The following ZNF423 variants were observed in gnomAD, a reference collection of about 807,000 sequenced individuals.
ZNF423 encodes zinc finger protein 423, also known as Ebf-associated zinc finger protein.
ZNF423 carries 12 observed loss-of-function variants against 95.8 expected under a neutral mutation model. The observed-to-expected ratio is 0.13, with a 90% confidence interval of 0.08 to 0.20. The LOEUF is 0.20. ZNF423 is among the 10% of genes least tolerant of loss of function. ZNF423 has a pLI of 1.00. For synonymous variants in ZNF423, 749 were observed against 711.9 expected, an observed-to-expected ratio of 1.05 and a Z score of -0.83; for missense variants, 1,316 against 1,737.1, an observed-to-expected ratio of 0.76 and a Z score of 4.31.
At chr16:49,523,584 G>A (rs773802970) in intron 7 of ZNF423, 40 bp downstream of exon 7, 1 of 1,555,048 alleles carries the variant, frequency 6.4e-7, no homozygotes, top group East Asian at 2.2e-5. Flanking sequence ...GGGAACCGAG[G>A]ACCATCAGGC....
intron 5 of ZNF423, among the ~76,000 whole-genome samples, chr16:49,619,365 C>T (rs1971982006): frequency 6.6e-6 from 1 of 152,100 alleles, no homozygotes; most frequent in Non-Finnish European, 1.5e-5. Flanking sequence ...CCAAAACAAA[C>T]AAACAAACAC....
chr16:49,762,970 C>G (rs1195779561), intron 2 of ZNF423, among the ~76,000 whole-genome samples: 2 of 151,754 alleles, frequency 1.3e-5, no homozygotes, highest in Admixed American at 6.6e-5. Context: ...TGGACTCAAG[C>G]AATCCTCTCA....
intron 3 of ZNF423, among the ~76,000 whole-genome samples, chr16:49,690,944 G>T (rs548019548): frequency 6.6e-6 from 1 of 152,172 alleles, no homozygotes; most frequent in Non-Finnish European, 1.5e-5. Flanking sequence ...TTCACCAGCC[G>T]CAGGCCTGGG....
chr16:49,765,744 A>C (rs1596985028), intron 2 of ZNF423, among the ~76,000 whole-genome samples: 2 of 152,176 alleles, frequency 1.3e-5, no homozygotes, highest in African/African-American at 4.8e-5. Flanking sequence ...TAAGTCAAAG[A>C]AAAGGGAGGA....
chr16:49,679,696 A>AT (rs2031270412), intron 3 of ZNF423, among the ~76,000 whole-genome samples: 1 of 152,154 alleles, frequency 6.6e-6, no homozygotes, highest in Admixed American at 6.5e-5. Context: ...GGATGATATG[A>AT]TTGATGGTGG....
intron 2 of ZNF423, among the ~76,000 whole-genome samples, chr16:49,775,038 G>T (rs758311982): frequency 2.0e-5 from 3 of 152,116 alleles, no homozygotes; most frequent in Non-Finnish European, 4.4e-5. Flanking sequence ...GCCCCCAGAC[G>T]CAGCCCAGCA....
At chr16:49,792,344 A>T (rs1009578535) in intron 1 of ZNF423, among the ~76,000 whole-genome samples, 2 of 152,182 alleles carry the variant, frequency 1.3e-5, no homozygotes, top group Non-Finnish European at 2.9e-5. Flanking sequence ...CCATAATGGG[A>T]AAGAGAACAG....
At chr16:49,589,972 G>A (rs1297458940) in intron 5 of ZNF423, among the ~76,000 whole-genome samples, 2 of 149,640 alleles carry the variant, frequency 1.3e-5, no homozygotes, top group Non-Finnish European at 3.0e-5. Flanking sequence ...AAATTCCAAC[G>A]AGTCTTGAGT....
intron 3 of ZNF423, among the ~76,000 whole-genome samples, chr16:49,724,032 C>CA (rs1410054344): frequency 1.8e-4 from 27 of 152,224 alleles, no homozygotes; most frequent in Non-Finnish European, 1.5e-5. Flanking sequence ...TCAGCACATC[C>CA]ATTTCTAAAC....
At chr16:49,598,053 G>A (rs1049287764) in intron 5 of ZNF423, among the ~76,000 whole-genome samples, 2 of 152,152 alleles carry the variant, frequency 1.3e-5, no homozygotes, top group African/African-American at 4.8e-5. Flanking sequence ...CTCATGGGGA[G>A]AGCTTGTCAA....
intron 3 of ZNF423, among the ~76,000 whole-genome samples, chr16:49,652,256 G>C (rs1432566350): frequency 6.6e-6 from 1 of 151,850 alleles, no homozygotes; most frequent in Admixed American, 6.6e-5. Flanking sequence ...CAGCCTGCCA[G>C]GCAGCTCCAT....
At chr16:49,832,144 A>G (rs964701359) in intron 1 of ZNF423, among the ~76,000 whole-genome samples, 2 of 152,186 alleles carry the variant, frequency 1.3e-5, no homozygotes, top group Non-Finnish European at 2.9e-5. Flanking sequence ...GGCAGGCATC[A>G]TTCCTTAGCT....
At chr16:49,568,129 G>A (rs915127519) in intron 5 of ZNF423, among the ~76,000 whole-genome samples, 11 of 152,118 alleles carry the variant, frequency 7.2e-5, no homozygotes, top group Admixed American at 4.6e-4. Context: ...ATGAGTGTAT[G>A]CCATGCCTCT....
intron 1 of ZNF423, among the ~76,000 whole-genome samples, chr16:49,825,193 G>C (rs182826387): frequency 2.5e-4 from 38 of 152,178 alleles, no homozygotes; most frequent in African/African-American, 9.2e-4. Context: ...ATGCTGCTCC[G>C]ACATCCTGTG....
chr16:49,531,157 G>T (rs1004432365), intron 5 of ZNF423, among the ~76,000 whole-genome samples: 2 of 152,138 alleles, frequency 1.3e-5, no homozygotes, highest in Non-Finnish European at 2.9e-5. Context: ...GAGTGTGTCT[G>T]CAGGTGGAAG....
At chr16:49,509,898 C>G (rs1967811565) in intron 7 of ZNF423, among the ~76,000 whole-genome samples, 1 of 152,370 alleles carries the variant, frequency 6.6e-6, no homozygotes, top group South Asian at 2.1e-4. Context: ...AACAGCAGCA[C>G]TGGCTTCATA....
At chr16:49,598,449 A>G (rs1971251618) in intron 5 of ZNF423, among the ~76,000 whole-genome samples, 1 of 152,272 alleles carries the variant, frequency 6.6e-6, no homozygotes. Context: ...CACTTGGAGC[A>G]TCATTCCTGG....
At chr16:49,531,940 C>A (rs1352858900) in intron 5 of ZNF423, among the ~76,000 whole-genome samples, 6 of 152,144 alleles carry the variant, frequency 3.9e-5, no homozygotes, top group Admixed American at 1.3e-4. Flanking sequence ...AAAGGTGCCC[C>A]CGTGTTTGGG....
At chr16:49,753,546 C>T (rs2033669892) in intron 2 of ZNF423, among the ~76,000 whole-genome samples, 1 of 148,830 alleles carries the variant, frequency 6.7e-6, no homozygotes, top group African/African-American at 2.5e-5. Context: ...GAGGCTGCAG[C>T]GAGCTGTGAC....
Sources: allele counts gnomAD v4.1 joint callset (sites outside exome capture counted in the v4.1 genomes callset), GRCh38; gene constraint gnomAD v4.1.1; transcripts MANE v1.5; gene names NCBI Gene and HGNC (gene_info 2026-07-23, HGNC 2026-07-21).